PACRGL: variants seen among roughly 807,000 people sequenced by gnomAD.
PACRGL encodes PACRG-like protein.
PACRGL carries 38 observed loss-of-function variants against 34.5 expected under a neutral mutation model. That is an observed-to-expected ratio of 1.10 (90% CI 0.85 to 1.44). PACRGL has a LOEUF of 1.44. Ranked by LOEUF, PACRGL falls within the 40% of genes most tolerant of loss-of-function variation. The probability of loss-of-function intolerance (pLI) is 0.00; values close to 1 mark genes in which losing one functional copy is unlikely to be tolerated. For missense variants in PACRGL, 305 were observed against 281.4 expected, an observed-to-expected ratio of 1.08 and a Z score of -0.60; for synonymous variants, 128 against 100.1, an observed-to-expected ratio of 1.28 and a Z score of -1.66.
rs1211832119 is a variant in PACRGL at position 20,744,327 on chromosome 4, CTA to C, written c.*57-8236_*57-8235del. 5.3e-5 allele frequency among the ~76,000 whole-genome samples: 8 copies of C among 152,316 alleles called. No individual in the cohort carries two copies. In the South Asian group the frequency reaches 1.2e-3, roughly 24 times the overall value. ...ATGCACATGTATGTTTATTGCGGCA[CTA>C]TTCACAGTAGCAAAGACTTGGTACC... On this transcript the variant is annotated intron_variant, in intron 8 of 8. Transcript: ENST00000507634.
upstream of PACRGL, among the ~76,000 whole-genome samples, chr4:20,698,217 T>C (rs1731318983): frequency 6.6e-6 from 1 of 152,172 alleles, no homozygotes; most frequent in African/African-American, 2.4e-5. Context: ...GGGAAGAGTG[T>C]ACCTATATGA....
chr4:20,758,018 G>A, the PACRGL span, among the ~76,000 whole-genome samples: 2 of 152,076 alleles, frequency 1.3e-5, no homozygotes, highest in Non-Finnish European at 2.9e-5. Flanking sequence ...GCTACACTAG[G>A]TATAACATTC....
In PACRGL at chr4:20,707,788, C is replaced by T. The variant is rs57364495; in HGVS notation, c.208-15C>T. On this transcript the variant is annotated splice_polypyrimidine_tract_variant and intron_variant, in intron 3 of 8. Coordinates refer to ENST00000503585, the MANE Select transcript of PACRGL (RefSeq NM_001258345.3). ...GAAGTATAGGTGATAGTAATATTTT[C>T]ATTTTTTATTTTAGTTTGGTGAACA... is the stretch of plus-strand genomic sequence containing the variant. The T allele has an allele frequency of 0.18, 281,618 of 1,605,978 alleles. 25,661 individuals carry two copies. The highest frequency in any genetic ancestry group is 0.2 in the Middle Eastern group (1,234 of 6,048).
intron 7 of PACRGL, among the ~76,000 whole-genome samples, chr4:20,719,376 G>GAA (rs1319128157): frequency 6.6e-6 from 1 of 152,090 alleles, no homozygotes; most frequent in Non-Finnish European, 1.5e-5. Context: ...GCTAGCTTTT[G>GAA]AATGTGTTTG....
intron 8 of PACRGL, among the ~76,000 whole-genome samples, chr4:20,725,625 A>G (rs746306867): frequency 2.6e-5 from 4 of 152,166 alleles, no homozygotes; most frequent in Non-Finnish European, 5.9e-5. Flanking sequence ...TTAACATTGT[A>G]TAACTTAGTT....
chr4:20,728,028 C>T lies in PACRGL; in HGVS notation c.*687C>T, dbSNP rs1746474243. On this transcript the variant is annotated 3_prime_UTR_variant, in exon 9 of 9. Transcript: ENST00000503585. ...TGGTCTCAGAATTCTGGTGAGTGAT[C>T]CTCCCACAGTGGACTTCCAAAGTGC... The T allele has an allele frequency of 6.6e-6, 1 of 152,296 alleles. No individual in the cohort carries two copies. Among genetic ancestry groups the T allele is most frequent in the South Asian group, 2.1e-4 (1 of 4,830 alleles). The allele number at this position is 152,296 out of a possible 1,614,324, so 9.4% of individuals were successfully genotyped here.
chr4:20,704,146 A>G (rs1224648429), intron 1 of PACRGL, among the ~76,000 whole-genome samples: 3 of 152,224 alleles, frequency 2.0e-5, no homozygotes, highest in African/African-American at 7.2e-5. Flanking sequence ...CACTCCTTTC[A>G]GAAATCTAGT....
chr4:20,735,226 C>G (rs1220693499), downstream of PACRGL, among the ~76,000 whole-genome samples: 1 of 152,156 alleles, frequency 6.6e-6, no homozygotes, highest in East Asian at 1.9e-4. Flanking sequence ...GAGCATGGAA[C>G]TGGAAAGGAC....
chr4:20,743,890 C>T (rs1751776380), intron 8 of PACRGL, among the ~76,000 whole-genome samples: 1 of 151,766 alleles, frequency 6.6e-6, no homozygotes, highest in African/African-American at 2.4e-5. Flanking sequence ...GGGCTAATAT[C>T]CAGAATCTAC....
upstream of PACRGL, among the ~76,000 whole-genome samples, chr4:20,699,456 G>A (rs904114411): frequency 6.6e-6 from 1 of 152,152 alleles, no homozygotes; most frequent in Non-Finnish European, 1.5e-5. Context: ...GAAGACATTA[G>A]TTGAATACCC....
chr4:20,703,797 G>A (rs1304181433), intron 1 of PACRGL, among the ~76,000 whole-genome samples: 1 of 152,164 alleles, frequency 6.6e-6, no homozygotes, highest in Non-Finnish European at 1.5e-5. Context: ...TGGTAGAACT[G>A]AGATGCAGAC....
intron 8 of PACRGL, among the ~76,000 whole-genome samples, chr4:20,740,344 C>A (rs1750763072): frequency 6.6e-6 from 1 of 152,050 alleles, no homozygotes; most frequent in Admixed American, 6.5e-5. Flanking sequence ...GTCGGGTTAC[C>A]CACAAAGGGA....
chr4:20,704,750 C>T lies in PACRGL; in HGVS notation c.143C>T (p.Pro48Leu), dbSNP rs1560290629. 1.2e-6 allele frequency: 2 copies of T among 1,614,066 alleles called. No homozygotes were observed. Among genetic ancestry groups the T allele is most frequent in the Non-Finnish European group, 1.7e-6 (2 of 1,179,950 alleles). Residue 48 changes from proline (P) to leucine (L), a missense_variant, in exon 3 of 9, where the codon CCA (proline) becomes CTA (leucine). Transcript: ENST00000503585. Reference sequence around the variant, plus strand: ...AAATCCTCATTGTCAACCAGTTCTCCAGAGTCTGCAAGAAAACTTCATCCT... The same window carrying T: ...AAATCCTCATTGTCAACCAGTTCTCTAGAGTCTGCAAGAAAACTTCATCCT... ...GSKSSLSTSS[P>L]ESARKLHPRP...
chr4:20,763,699 C>T, the PACRGL span, among the ~76,000 whole-genome samples: 2 of 152,106 alleles, frequency 1.3e-5, no homozygotes, highest in African/African-American at 4.8e-5. Context: ...TGAAACAGTT[C>T]TCCCACTGAT....
chr4:20,708,396 C>T (rs1735538894), intron 4 of PACRGL, among the ~76,000 whole-genome samples: 1 of 151,768 alleles, frequency 6.6e-6, no homozygotes, highest in South Asian at 2.1e-4. Flanking sequence ...CAGTTTTAGC[C>T]TGTTGTAGAT....
chr4:20,744,731 A>G (rs961494843), intron 8 of PACRGL, among the ~76,000 whole-genome samples: 1 of 152,192 alleles, frequency 6.6e-6, no homozygotes, highest in Non-Finnish European at 1.5e-5. Flanking sequence ...ACAAACCTGC[A>G]CATTTTGCAC....
chr4:20,749,155 C>CTCT (rs751106874), intron 8 of PACRGL, among the ~76,000 whole-genome samples: 1 of 129,010 alleles, frequency 7.8e-6, no homozygotes, highest in African/African-American at 2.7e-5. Flanking sequence ...GAGACTCTTT[C>CTCT]AAAAAAAAAA....
At chr4:20,733,981 G>C (rs1229853637), downstream of PACRGL, among the ~76,000 whole-genome samples, 1 of 152,072 alleles carries the variant, frequency 6.6e-6, no homozygotes, top group Admixed American at 6.6e-5. Context: ...ACTCAATTCT[G>C]GGGAAGTCTC....
chr4:20,707,589 C>T (rs542301434), intron 3 of PACRGL, among the ~76,000 whole-genome samples: 15 of 148,406 alleles, frequency 1.0e-4, no homozygotes, highest in Admixed American at 9.5e-4. Flanking sequence ...GTTTCAGCCG[C>T]GTTCAAGCAT....
Sources: allele counts gnomAD v4.1 joint callset (sites outside exome capture counted in the v4.1 genomes callset), GRCh38; gene constraint gnomAD v4.1.1; transcripts MANE v1.5; gene names NCBI Gene and HGNC (gene_info 2026-07-23, HGNC 2026-07-21).